Variants in ZFYVE26 observed in about 807,000 individuals in gnomAD.
ZFYVE26 encodes the protein zinc finger FYVE-type containing 26.
A neutral mutation model predicts 276.5 loss-of-function variants in ZFYVE26; 181 were observed. The observed-to-expected ratio is 0.65, with a 90% CI of 0.58 to 0.74. ZFYVE26 has a LOEUF of 0.74. ZFYVE26 is among the 30% of genes least tolerant of loss of function. The pLI, the probability that ZFYVE26 is intolerant of heterozygous loss-of-function variation, is 0.00. For synonymous variants in ZFYVE26, 1,129 were observed against 1,203.1 expected, an observed-to-expected ratio of 0.94 and a Z score of 1.27; for missense variants, 2,821 against 3,097.9, an observed-to-expected ratio of 0.91 and a Z score of 2.12.
Position 67,798,314 on chromosome 14 carries a change from T to A in ZFYVE26, c.1948A>T (p.Lys650Ter), listed in dbSNP as rs1184640409. 2 of 1,613,902 alleles carry A rather than the reference T, an allele frequency of 1.2e-6. No individual in the cohort carries two copies. The highest frequency in any genetic ancestry group is 1.7e-6 in the Non-Finnish European group (2 of 1,179,896). The change falls in exon 11 of 42, where the codon AAG (lysine) becomes TAG (stop). Residue 650 changes from lysine to a stop codon, truncating the protein, a stop_gained. Transcript: ENST00000347230. LOFTEE classifies it high-confidence loss of function. ...GGGTAACTGTCTTTTGGCTCTGCCT[T>A]CACATGGCTTGGCATTGTATAAGCA... Reference protein sequence around the residue: ...TLAYTMPSHVKAEPKDSYPGP... With the variant: ...TLAYTMPSHV
Position 67,769,985 on chromosome 14 carries a change from G to A in ZFYVE26, c.5485-255C>T, listed in dbSNP as rs991027227. On this transcript the variant is annotated intron_variant, in intron 28 of 41. Coordinates refer to ENST00000347230, the MANE Select transcript of ZFYVE26 (RefSeq NM_015346.4). ...CTCCTGACAAGTTCTACTTGTGTAT[G>A]GAGGCAACATGTGGAAAAACAAGAA... 9 of 530,456 alleles carry A rather than the reference G, an allele frequency of 1.7e-5. 1 individual carries two copies. Among genetic ancestry groups the A allele is most frequent in the South Asian group, 1.7e-4 (8 of 48,376 alleles). The allele number at this position is 530,456 out of a possible 1,614,324, so 32.9% of individuals were successfully genotyped here. A position where few individuals can be genotyped will look rare whatever the true frequency, so the allele number is the denominator to read the frequency against.
chr14:67,730,186 A>T (rs1420313748), intron 13 of ZFYVE26, among the ~76,000 whole-genome samples: 2 of 152,200 alleles, frequency 1.3e-5, no homozygotes, highest in Non-Finnish European at 2.9e-5. Context: ...TTTCACATGA[A>T]ACTGAGGCGC....
chr14:67,733,863 G>A, intron 13 of ZFYVE26: 1 of 1,581,406 alleles, frequency 6.3e-7, no homozygotes, highest in South Asian at 1.1e-5. Flanking sequence ...TGGAAGAGCT[G>A]CAGCTTTATC....
rs760330704 is a variant in ZFYVE26 at position 67,761,443 on chromosome 14, T to C, written c.6511A>G (p.Ser2171Gly). 2 of 1,614,120 alleles carry C rather than the reference T, an allele frequency of 1.2e-6. No individual in the cohort carries two copies. Among genetic ancestry groups the C allele is most frequent in the Non-Finnish European group, 1.7e-6 (2 of 1,180,024 alleles). ...QECLFYLHNYSTNLAIISFYV... is the reference protein window; with the variant it reads ...QECLFYLHNYGTNLAIISFYV... ...AAGCTGATGATGGCCAGGTTGGTGC[T>C]ATAGTTGTGCAGGTAGAAGAGGCAT... is the stretch of plus-strand genomic sequence containing the variant. The change falls in exon 35 of 42, where the codon AGC becomes GGC. Residue 2171 changes from serine to glycine, a missense_variant. Physicochemically the swap from Ser to Gly is moderately conservative, Grantham distance 56 (BLOSUM62 0). Transcript: ENST00000347230.
At chr14:67,784,959 C>T (rs1566884152) in intron 19 of ZFYVE26, 100 bp downstream of exon 19, 1 of 1,231,184 alleles carries the variant, frequency 8.1e-7, no homozygotes, top group African/African-American at 1.5e-5. Context: ...TTCTTGGCTA[C>T]TGCTGTATCC....
chr14:67,779,067 G>A (rs1232785634), intron 23 of ZFYVE26, among the ~76,000 whole-genome samples: 2 of 152,170 alleles, frequency 1.3e-5, no homozygotes, highest in Non-Finnish European at 2.9e-5. Flanking sequence ...TAATAGGCAT[G>A]CAATAAGTAC....
At chr14:67,813,922 ACAACTACTTT>A in intron 3 of ZFYVE26, 54 bp downstream of exon 3, 1 of 1,166,050 alleles carries the variant, frequency 8.6e-7, no homozygotes, top group Non-Finnish European at 1.3e-6. Flanking sequence ...GGGAAATCCC[ACAACTACTTT>A]CAAGTTCTTC....
At chr14:67,766,477 C>T (rs200344786) in intron 31 of ZFYVE26, 30 bp from the exon 32 acceptor site, 148 of 1,604,390 alleles carry the variant, frequency 9.2e-5, no homozygotes, top group Middle Eastern at 9.0e-4. Context: ...GGAGAACACA[C>T]GGTGAGTCCA....
intron 41 of ZFYVE26, chr14:67,750,568 T>G (rs746923733): frequency 2.6e-5 from 5 of 193,136 alleles, no homozygotes; most frequent in Non-Finnish European, 4.3e-5. Flanking sequence ...GGACGAGTTC[T>G]TTGGCCCCTG....
rs372620294 is a variant in ZFYVE26, at chr14:67,749,946, C to T, written c.7416+1106G>A. On this transcript the variant is annotated intron_variant, in intron 41 of 41. Transcript: ENST00000347230. ...TTTTGGCAAGCCCCCATGGCCTAAG[C>T]TCATTTAACTGCATTAGACAGCTGC... is the stretch of plus-strand genomic sequence containing the variant. 5.9e-5 allele frequency among the ~76,000 whole-genome samples: 9 copies of T among 152,342 alleles called. No individual in the cohort carries two copies. The East Asian group carries it at 1.5e-3, about 26-fold the overall frequency.
intron 30 of ZFYVE26, 92 bp from the exon 31 acceptor site, chr14:67,767,932 C>T: frequency 6.4e-7 from 1 of 1,559,140 alleles, no homozygotes; most frequent in Non-Finnish European, 8.8e-7. Flanking sequence ...CAGGTAGACA[C>T]TTGCCTGCTA....
At chr14:67,736,514 A>G (rs922327959) in intron 13 of ZFYVE26, among the ~76,000 whole-genome samples, 1 of 152,224 alleles carries the variant, frequency 6.6e-6, no homozygotes, top group Non-Finnish European at 1.5e-5. Flanking sequence ...ATGTGGACTA[A>G]AAGGCAAAAA....
chr14:67,797,225 C>G (rs2140241624), intron 12 of ZFYVE26: 1 of 214,258 alleles, frequency 4.7e-6, no homozygotes, highest in Non-Finnish European at 9.5e-6. Context: ...TGTATTTACA[C>G]AAGTATGCAC....
intron 9 of ZFYVE26, among the ~76,000 whole-genome samples, chr14:67,803,404 C>T (rs923857719): frequency 1.3e-5 from 2 of 152,150 alleles, no homozygotes; most frequent in African/African-American, 4.8e-5. Flanking sequence ...TACAGTGGCA[C>T]CATCTTGGCT....
At chr14:67,810,268 G>T (rs564877483) in intron 3 of ZFYVE26, among the ~76,000 whole-genome samples, 1 of 152,070 alleles carries the variant, frequency 6.6e-6, no homozygotes, top group South Asian at 2.1e-4. Flanking sequence ...CCCAGTTGTG[G>T]GTAAGCCTGG....
chr14:67,763,276 A>G (rs1195375013), intron 32 of ZFYVE26, among the ~76,000 whole-genome samples: 1 of 152,190 alleles, frequency 6.6e-6, no homozygotes, highest in African/African-American at 2.4e-5. Flanking sequence ...ACACTGAATT[A>G]TGGCTCTATT....
intron 2 of ZFYVE26, 145 bp from the exon 3 acceptor site, chr14:67,814,209 A>G: frequency 4.1e-6 from 3 of 723,328 alleles, no homozygotes; most frequent in East Asian, 2.8e-5. Flanking sequence ...TTAAATGTAT[A>G]TGACAGTTCA....
chr14:67,744,846 C>G (rs1285290225), downstream of ZFYVE26, among the ~76,000 whole-genome samples: 1 of 152,158 alleles, frequency 6.6e-6, no homozygotes, highest in African/African-American at 2.4e-5. Flanking sequence ...CAAGTCTTTG[C>G]TATTATAAAT....
At chr14:67,793,977 C>A (rs955101756) in intron 13 of ZFYVE26, among the ~76,000 whole-genome samples, 194 bp downstream of exon 13, 1 of 152,194 alleles carries the variant, frequency 6.6e-6, no homozygotes, top group African/African-American at 2.4e-5. Context: ...GTATTTACCT[C>A]TATTTCTCTC....
Sources: allele counts gnomAD v4.1 joint callset (sites outside exome capture counted in the v4.1 genomes callset), GRCh38; gene constraint gnomAD v4.1.1; transcripts MANE v1.5; gene names NCBI Gene and HGNC (gene_info 2026-07-23, HGNC 2026-07-21).